CLOCK: variants seen among roughly 807,000 people sequenced by gnomAD.
The protein encoded by CLOCK is circadian locomoter output cycles protein kaput.
Under a neutral mutation model 118.4 loss-of-function variants are expected in CLOCK, and 43 were observed. That is an observed-to-expected ratio of 0.36 (90% CI 0.28 to 0.47). The LOEUF is 0.47. Ranked by LOEUF, CLOCK falls within the 20% of genes least tolerant of loss-of-function variation. The pLI, the probability that CLOCK is intolerant of heterozygous loss-of-function variation, is 1.00. For synonymous variants in CLOCK, 326 were observed against 339.2 expected, an observed-to-expected ratio of 0.96 and a Z score of 0.43; for missense variants, 846 against 999.9, an observed-to-expected ratio of 0.85 and a Z score of 2.08.
At chr4:55,515,299 A>G (rs1729433860) in intron 1 of CLOCK, among the ~76,000 whole-genome samples, 1 of 152,072 alleles carries the variant, frequency 6.6e-6, no homozygotes, top group Non-Finnish European at 1.5e-5. Flanking sequence ...AAGCACATCA[A>G]TTTTATTAAT....
At chr4:55,507,458 C>T (rs1728886470) in intron 2 of CLOCK, among the ~76,000 whole-genome samples, 1 of 151,654 alleles carries the variant, frequency 6.6e-6, no homozygotes, top group Admixed American at 6.6e-5. Context: ...ACTAAAAATA[C>T]AAAAATTTGC....
Position 55,431,802 on chromosome 4 carries a change from T to C in CLOCK, c.*3613A>G, listed in dbSNP as rs1418402744. The C allele has an allele frequency of 6.6e-6, 1 of 152,240 alleles. No individual in the cohort carries two copies. Among genetic ancestry groups the C allele is most frequent in the African/African-American group, 2.4e-5 (1 of 41,458 alleles). 9.4% of individuals were successfully genotyped at this position (152,240 alleles called of 1,614,324 possible). A position where few individuals can be genotyped will look rare whatever the true frequency, so the allele number is the denominator to read the frequency against. On this transcript the variant is annotated 3_prime_UTR_variant, in exon 23 of 23. Transcript: ENST00000513440. ...TGTAGTGGAAACATCTGAAAACATG[T>C]TGAGTAATATCCAGTTTAAAAGAAT...
chr4:55,546,485 G>T (rs1360412993), intron 1 of CLOCK: 1 of 141,960 alleles, frequency 7.0e-6, no homozygotes, highest in East Asian at 2.1e-4. Context: ...CCCTCACCGT[G>T]TGGCTTGCGG....
intron 2 of CLOCK, among the ~76,000 whole-genome samples, chr4:55,489,849 G>A (rs2109943198): frequency 6.6e-6 from 1 of 152,138 alleles, no homozygotes; most frequent in African/African-American, 2.4e-5. Flanking sequence ...ACTATAAGGT[G>A]TTTTTATATA....
intron 9 of CLOCK, among the ~76,000 whole-genome samples, chr4:55,460,513 T>G (rs985518823): frequency 2.6e-5 from 4 of 152,218 alleles, no homozygotes; most frequent in African/African-American, 7.2e-5. Flanking sequence ...TCTCTTCCCA[T>G]CACAAGTCCC....
At chr4:55,514,272 T>C (rs1729342161) in intron 1 of CLOCK, among the ~76,000 whole-genome samples, 1 of 152,136 alleles carries the variant, frequency 6.6e-6, no homozygotes, top group Non-Finnish European at 1.5e-5. Context: ...TAAAATACTT[T>C]TAATCTTCCA....
intron 4 of CLOCK, among the ~76,000 whole-genome samples, chr4:55,482,137 G>A (rs1726977068): frequency 6.6e-6 from 1 of 152,008 alleles, no homozygotes; most frequent in African/African-American, 2.4e-5. Context: ...ACCTGTGTAG[G>A]TTTTTCATGC....
chr4:55,467,028 G>A (rs895086137), intron 8 of CLOCK, among the ~76,000 whole-genome samples: 3 of 152,090 alleles, frequency 2.0e-5, no homozygotes, highest in Non-Finnish European at 2.9e-5. Flanking sequence ...AGAGGAAACT[G>A]GGTATAGTGC....
chr4:55,532,312 T>C (rs1351168863), intron 1 of CLOCK, among the ~76,000 whole-genome samples: 1 of 152,090 alleles, frequency 6.6e-6, no homozygotes, highest in Non-Finnish European at 1.5e-5. Context: ...CCAGAAGTCC[T>C]AGATAGAGCA....
rs1416287081 is a variant in CLOCK at position 55,546,363 on chromosome 4, GAC to G, written c.-290+417_-290+418del. 4 of 152,650 alleles carry G rather than the reference GAC, an allele frequency of 2.6e-5. No individual in the cohort carries two copies. The East Asian group carries it at 5.8e-4, about 22-fold the overall frequency. The allele number at this position is 152,650 out of a possible 1,614,324, so 9.5% of individuals were successfully genotyped here. A position where few individuals can be genotyped will look rare whatever the true frequency, so the allele number is the denominator to read the frequency against. ...GCCTCGGCCCGAAGTCCCGGGAAAA[GAC>G]ACACTAGAACGACACGCCAAACTTG... On this transcript the variant is annotated intron_variant, in intron 1 of 22. Transcript: ENST00000513440.
intron 2 of CLOCK, among the ~76,000 whole-genome samples, chr4:55,501,438 G>A (rs1004114448): frequency 6.6e-6 from 1 of 151,210 alleles, no homozygotes; most frequent in Admixed American, 6.6e-5. Context: ...TTTTTTAAGA[G>A]ACAGGATCTC....
chr4:55,481,199 T>C (rs1379610491), intron 4 of CLOCK, among the ~76,000 whole-genome samples: 10 of 152,180 alleles, frequency 6.6e-5, no homozygotes, highest in Non-Finnish European at 1.5e-4. Flanking sequence ...GGAGTCACTA[T>C]TGAGATCACC....
intron 1 of CLOCK, among the ~76,000 whole-genome samples, chr4:55,538,215 G>C (rs931145984): frequency 2.0e-5 from 3 of 152,162 alleles, no homozygotes; most frequent in African/African-American, 7.2e-5. Context: ...TAAATGAAAT[G>C]GGTAAGTTCC....
At chr4:55,470,240 T>A (rs1426635834) in intron 8 of CLOCK, among the ~76,000 whole-genome samples, 1 of 152,154 alleles carries the variant, frequency 6.6e-6, no homozygotes, top group Non-Finnish European at 1.5e-5. Context: ...TATACAGGTA[T>A]ACCATTTTTT....
intron 1 of CLOCK, among the ~76,000 whole-genome samples, chr4:55,532,875 G>T (rs892641343): frequency 6.6e-6 from 1 of 151,970 alleles, no homozygotes; most frequent in Non-Finnish European, 1.5e-5. Context: ...GGTCGGGGGG[G>T]TAGTGTGGAT....
intron 1 of CLOCK, among the ~76,000 whole-genome samples, chr4:55,545,052 C>CTTTT (rs34291520): frequency 2.8e-5 from 4 of 144,692 alleles, no homozygotes; most frequent in East Asian, 2.1e-4. Flanking sequence ...TTCAGGCTAA[C>CTTTT]TTTTTTTTTT....
chr4:55,453,937 C>G (rs1724695631), intron 13 of CLOCK, 113 bp from the exon 14 acceptor site: 2 of 792,140 alleles, frequency 2.5e-6, no homozygotes, highest in Non-Finnish European at 4.0e-6. Flanking sequence ...ATTTTTCTGG[C>G]CTTTTGATAA....
intron 12 of CLOCK, 62 bp downstream of exon 12, chr4:55,456,155 AT>A: frequency 7.2e-7 from 1 of 1,393,034 alleles, no homozygotes; most frequent in Non-Finnish European, 1.0e-6. Flanking sequence ...CCCTTGATCC[AT>A]TAATTTCAAG....
chr4:55,476,247 T>C (rs1393623809), intron 6 of CLOCK, among the ~76,000 whole-genome samples, 193 bp from the exon 7 acceptor site: 2 of 152,210 alleles, frequency 1.3e-5, no homozygotes, highest in Admixed American at 1.3e-4. Context: ...GTTATCTCCT[T>C]GGATTTGGTC....
Sources: gnomAD v4.1 joint callset for allele counts (sites outside exome capture counted in the v4.1 genomes callset) on GRCh38, gnomAD v4.1.1 for gene constraint, MANE v1.5 for transcripts, NCBI Gene and HGNC (gene_info 2026-07-23, HGNC 2026-07-21) for gene names.